The following CSMD3 variants were observed in gnomAD, a reference collection of about 807,000 sequenced individuals.
CSMD3 encodes CUB and sushi domain-containing protein 3.
In CSMD3, 177 loss-of-function variants were observed where a neutral mutation model predicts 435.2. The ratio of observed to expected loss-of-function variants is 0.41; its 90% CI spans 0.36 to 0.46. The LOEUF is 0.46. Among genes scored for constraint, CSMD3 ranks in the 20% least tolerant of loss-of-function variants. The pLI is 0.34. For synonymous variants in CSMD3, 1,656 were observed against 1,520.5 expected (o/e 1.09, Z -2.07); for missense variants, 4,265 against 4,504.6 (o/e 0.95, Z 1.52).
At chr8:112,953,728 T>C (rs570175372) in intron 8 of CSMD3, among the ~76,000 whole-genome samples, 35 of 151,560 alleles carry the variant, frequency 2.3e-4, no homozygotes, top group African/African-American at 7.0e-4. Context: ...AATAAACATA[T>C]AGATAAAGTC....
chr8:113,230,887 G>A (rs191970806), intron 3 of CSMD3, among the ~76,000 whole-genome samples: 4 of 151,316 alleles, frequency 2.6e-5, no homozygotes, highest in Non-Finnish European at 3.0e-5. Context: ...AATACTAATT[G>A]TGTCCTTCAG....
At chr8:112,687,881 A>G (rs566033707) in intron 14 of CSMD3, among the ~76,000 whole-genome samples, 1 of 152,134 alleles carries the variant, frequency 6.6e-6, no homozygotes, top group Non-Finnish European at 1.5e-5. Flanking sequence ...TACCACTTCC[A>G]AAATGGGTGC....
chr8:113,230,741 C>T (rs1453598521), intron 3 of CSMD3, among the ~76,000 whole-genome samples: 1 of 151,518 alleles, frequency 6.6e-6, no homozygotes, highest in Non-Finnish European at 1.5e-5. Flanking sequence ...TACTTCTAAA[C>T]CCTTTTCCCA....
chr8:112,951,554 AC>A (rs1587744191), intron 8 of CSMD3, among the ~76,000 whole-genome samples: 2 of 151,828 alleles, frequency 1.3e-5, no homozygotes, highest in East Asian at 3.9e-4. Context: ...CTGAACTCAA[AC>A]AACACTGATA....
At chr8:112,711,180 T>G (rs1019234841) in intron 13 of CSMD3, among the ~76,000 whole-genome samples, 1 of 152,048 alleles carries the variant, frequency 6.6e-6, no homozygotes, top group Non-Finnish European at 1.5e-5. Context: ...CTTAATTAAG[T>G]AAAAGGTGAA....
At chr8:113,130,496 C>T (rs1353376523) in intron 4 of CSMD3, among the ~76,000 whole-genome samples, 1 of 152,146 alleles carries the variant, frequency 6.6e-6, no homozygotes, top group African/African-American at 2.4e-5. Context: ...TCACCTTCTG[C>T]CATGATAGTG....
chr8:112,926,270 G>T (rs1350893223), intron 9 of CSMD3, among the ~76,000 whole-genome samples: 1 of 151,850 alleles, frequency 6.6e-6, no homozygotes, highest in African/African-American at 2.4e-5. Flanking sequence ...GCGTGTGTGT[G>T]TTTGTGTGTG....
chr8:112,463,322 A>G (rs1490867025), intron 32 of CSMD3, among the ~76,000 whole-genome samples: 1 of 152,186 alleles, frequency 6.6e-6, no homozygotes, highest in Admixed American at 6.5e-5. Context: ...AGGTCATGCC[A>G]CTGCAATCCA....
At position 112,407,206 on chromosome 8, in the gene CSMD3, A is replaced by C. The variant is rs558550614; in HGVS notation, c.5606-479T>G. Among the ~76,000 whole-genome samples, 3 of 152,040 alleles carry C rather than the reference A, an allele frequency of 2.0e-5. No individual in the cohort carries two copies. The South Asian group carries it at 6.2e-4, about 32-fold the overall frequency. Reference sequence around the variant, plus strand: ...CTTTATTAGTTTCATAAAATTTCACAAACTTAATTTCAAACACATTTGCTA... The same window carrying C: ...CTTTATTAGTTTCATAAAATTTCACCAACTTAATTTCAAACACATTTGCTA... On this transcript the variant is annotated intron_variant, in intron 34 of 70. Coordinates refer to ENST00000297405, the MANE Select transcript of CSMD3 (RefSeq NM_198123.2).
intron 13 of CSMD3, among the ~76,000 whole-genome samples, chr8:112,711,180 T>C (rs1019234841): frequency 2.6e-5 from 4 of 152,048 alleles, no homozygotes; most frequent in Admixed American, 2.6e-4. Context: ...CTTAATTAAG[T>C]AAAAGGTGAA....
intron 70 of CSMD3, 114 bp from the exon 71 acceptor site, chr8:112,225,044 G>A: frequency 3.8e-6 from 4 of 1,042,014 alleles, no homozygotes; most frequent in Admixed American, 1.7e-5. Context: ...AATATTAATT[G>A]AGACATCATA....
intron 28 of CSMD3, among the ~76,000 whole-genome samples, chr8:112,509,799 G>T (rs1282891705): frequency 1.3e-5 from 2 of 151,996 alleles, no homozygotes; most frequent in East Asian, 1.9e-4. Flanking sequence ...GTAAACTTAT[G>T]ATTTTTATCT....
intron 66 of CSMD3, among the ~76,000 whole-genome samples, chr8:112,240,736 G>T (rs989793800): frequency 1.3e-5 from 2 of 152,078 alleles, no homozygotes; most frequent in Non-Finnish European, 2.9e-5. Context: ...ATCTCAACTT[G>T]AATTGTACTC....
chr8:113,407,529 T>A (rs1187295592), intron 1 of CSMD3, among the ~76,000 whole-genome samples: 1 of 152,006 alleles, frequency 6.6e-6, no homozygotes, highest in Admixed American at 6.6e-5. Context: ...TGACAATGAC[T>A]TTAATATTGG....
At chr8:112,408,548 A>T (rs182053628) in intron 33 of CSMD3, 135 bp from the exon 34 acceptor site, 1 of 707,206 alleles carries the variant, frequency 1.4e-6, no homozygotes. Context: ...AATATCCTAC[A>T]ACTACCAATA....
intron 38 of CSMD3, among the ~76,000 whole-genome samples, chr8:112,374,376 T>C (rs1365526328): frequency 6.6e-6 from 1 of 152,156 alleles, no homozygotes; most frequent in East Asian, 1.9e-4. Context: ...ATCTGTATCC[T>C]TTCAGTTTTC....
intron 13 of CSMD3, among the ~76,000 whole-genome samples, chr8:112,767,280 T>C (rs2132176290): frequency 6.6e-6 from 1 of 151,872 alleles, no homozygotes; most frequent in East Asian, 1.9e-4. Flanking sequence ...AGAGAGACAG[T>C]GGTTAATTTG....
chr8:112,712,646 C>G (rs77810922), intron 13 of CSMD3, among the ~76,000 whole-genome samples: 12 of 152,020 alleles, frequency 7.9e-5, no homozygotes, highest in Non-Finnish European at 1.5e-4. Flanking sequence ...TCTTAAGGAT[C>G]GAGGCATTAA....
chr8:113,177,123 T>C (rs186899734), intron 3 of CSMD3, among the ~76,000 whole-genome samples: 2 of 151,884 alleles, frequency 1.3e-5, no homozygotes, highest in East Asian at 3.9e-4. Context: ...AGAACTTTTT[T>C]GTAATTCATC....
Sources: allele counts gnomAD v4.1 joint callset (sites outside exome capture counted in the v4.1 genomes callset), GRCh38; gene constraint gnomAD v4.1.1; transcripts MANE v1.5; gene names NCBI Gene and HGNC (gene_info 2026-07-23, HGNC 2026-07-21).